Variants in KCNIP1 observed in about 807,000 individuals in gnomAD.
The protein encoded by KCNIP1 is potassium voltage-gated channel interacting protein 1.
In KCNIP1, 18 loss-of-function variants were observed where a neutral mutation model predicts 33.0. The ratio of observed to expected loss-of-function variants is 0.55; its 90% CI spans 0.38 to 0.81. The LOEUF is 0.81. Ranked by LOEUF, KCNIP1 falls within the 30% of genes least tolerant of loss-of-function variation. KCNIP1 has a pLI of 0.00. For missense variants in KCNIP1, 238 were observed against 271.6 expected (o/e 0.88, Z 0.87); for synonymous variants, 93 against 98.3 (o/e 0.95, Z 0.32).
At chr5:170,625,116 C>T (rs1382982983) in intron 1 of KCNIP1, among the ~76,000 whole-genome samples, 1 of 152,120 alleles carries the variant, frequency 6.6e-6, no homozygotes, top group Admixed American at 6.5e-5. Flanking sequence ...TCCTCTGGTC[C>T]CAGCAGCAGC....
At chr5:170,597,771 G>GGA (rs2113572071) in intron 1 of KCNIP1, among the ~76,000 whole-genome samples, 1 of 119,190 alleles carries the variant, frequency 8.4e-6, no homozygotes, top group Non-Finnish European at 1.7e-5. Context: ...TTCTGATGCT[G>GGA]GAGAGAGAGA....
At chr5:170,682,479 A>G (rs1762382989) in intron 1 of KCNIP1, among the ~76,000 whole-genome samples, 1 of 152,210 alleles carries the variant, frequency 6.6e-6, no homozygotes, top group African/African-American at 2.4e-5. Flanking sequence ...TAGTGACTCT[A>G]TGACCCTAAG....
At chr5:170,363,171 A>C (rs920578903) in intron 1 of KCNIP1, among the ~76,000 whole-genome samples, 1 of 152,222 alleles carries the variant, frequency 6.6e-6, no homozygotes, top group African/African-American at 2.4e-5. Flanking sequence ...TGAGAGGCTG[A>C]ATAACTTGCC....
chr5:170,721,613 G>T (rs1763827229), intron 3 of KCNIP1: 1 of 813,420 alleles, frequency 1.2e-6, no homozygotes, highest in Non-Finnish European at 2.0e-6. Flanking sequence ...TCTCATGATG[G>T]CTAGAGGGAG....
At chr5:170,516,035 C>T (rs1244411029) in intron 1 of KCNIP1, among the ~76,000 whole-genome samples, 2 of 152,152 alleles carry the variant, frequency 1.3e-5, no homozygotes, top group East Asian at 1.9e-4. Flanking sequence ...GTTTTGTATG[C>T]TTGTGACTTG....
intron 1 of KCNIP1, among the ~76,000 whole-genome samples, chr5:170,510,186 C>T (rs546687234): frequency 8.5e-5 from 13 of 152,334 alleles, no homozygotes; most frequent in African/African-American, 3.1e-4. Flanking sequence ...CACATCTCTG[C>T]CTTCTCTCTT....
intron 1 of KCNIP1, among the ~76,000 whole-genome samples, chr5:170,600,938 C>T (rs2113585619): frequency 6.6e-6 from 1 of 152,334 alleles, no homozygotes; most frequent in Middle Eastern, 3.4e-3. Context: ...CAACACTGCA[C>T]TTCAGAATCG....
At chr5:170,661,284 T>G (rs1234716517) in intron 1 of KCNIP1, among the ~76,000 whole-genome samples, 1 of 152,156 alleles carries the variant, frequency 6.6e-6, no homozygotes, top group Non-Finnish European at 1.5e-5. Context: ...GTGGTGTGTG[T>G]GGGGACACGT....
At chr5:170,466,778 G>C (rs567456419) in intron 1 of KCNIP1, among the ~76,000 whole-genome samples, 2 of 152,248 alleles carry the variant, frequency 1.3e-5, no homozygotes, top group East Asian at 3.9e-4. Context: ...CATTCATGAA[G>C]ACTCCACCCT....
chr5:170,597,846 A>G (rs1554103537), intron 1 of KCNIP1, among the ~76,000 whole-genome samples: 3 of 139,744 alleles, frequency 2.1e-5, no homozygotes, highest in Non-Finnish European at 3.1e-5. Context: ...AAAGAAAGAA[A>G]AGAGAGAGAG....
intron 1 of KCNIP1, among the ~76,000 whole-genome samples, chr5:170,426,337 C>T (rs974227015): frequency 6.6e-6 from 1 of 152,138 alleles, no homozygotes; most frequent in African/African-American, 2.4e-5. Flanking sequence ...CTGCTCTGTT[C>T]CAGACAAACC....
Position 170,475,435 on chromosome 5 carries a change from G to A in KCNIP1, c.88+121471G>A, listed in dbSNP as rs186699250. On this transcript the variant is annotated intron_variant, in intron 1 of 7. Coordinates refer to the KCNIP1 transcript ENST00000377360. ...GTCTAGAAGAGGAGGGCGGTGCTGG[G>A]AGGAACCTCCCTGACTCCTGCTGCA... 8.5e-4 allele frequency among the ~76,000 whole-genome samples: 130 copies of A among 152,322 alleles called. 1 individual carries two copies. The East Asian group carries it at 0.021, about 25-fold the overall frequency.
chr5:170,595,960 T>C (rs1043837370), intron 1 of KCNIP1, among the ~76,000 whole-genome samples: 1 of 152,148 alleles, frequency 6.6e-6, no homozygotes, highest in African/African-American at 2.4e-5. Flanking sequence ...TCTCGGGTGG[T>C]GAGCTTCATC....
intron 1 of KCNIP1, among the ~76,000 whole-genome samples, chr5:170,645,538 C>G (rs925033835): frequency 6.6e-6 from 1 of 152,122 alleles, no homozygotes; most frequent in Non-Finnish European, 1.5e-5. Flanking sequence ...GGCCTTAACA[C>G]CCCTCTACCA....
intron 1 of KCNIP1, among the ~76,000 whole-genome samples, chr5:170,358,903 T>C (rs1221153321): frequency 6.6e-6 from 1 of 152,198 alleles, no homozygotes; most frequent in Non-Finnish European, 1.5e-5. Context: ...CTCCTAGGGC[T>C]GGAGAAGTCA....
chr5:170,624,739 G>GGGT (rs1464507183), intron 1 of KCNIP1, among the ~76,000 whole-genome samples: 1 of 104,360 alleles, frequency 9.6e-6, no homozygotes, highest in Non-Finnish European at 2.0e-5. Context: ...AGGTGGGGGG[G>GGGT]GAGAGGGGAG....
intron 1 of KCNIP1, among the ~76,000 whole-genome samples, chr5:170,659,163 T>C (rs1761382749): frequency 6.6e-6 from 1 of 152,176 alleles, no homozygotes; most frequent in African/African-American, 2.4e-5. Context: ...GATCACTTTT[T>C]TTTTTAATCC....
chr5:170,625,020 AT>A (rs1759768615), intron 1 of KCNIP1, among the ~76,000 whole-genome samples: 1 of 151,946 alleles, frequency 6.6e-6, no homozygotes, highest in Non-Finnish European at 1.5e-5. Flanking sequence ...CTTCCAGTCT[AT>A]TGCAGATGGA....
chr5:170,662,725 G>A (rs1404668453), intron 1 of KCNIP1, among the ~76,000 whole-genome samples: 1 of 152,178 alleles, frequency 6.6e-6, no homozygotes, highest in African/African-American at 2.4e-5. Flanking sequence ...AGAGAGTGGG[G>A]TCAGAAACAC....
Sources: gnomAD v4.1 joint callset for allele counts (sites outside exome capture counted in the v4.1 genomes callset) on GRCh38, gnomAD v4.1.1 for gene constraint, MANE v1.5 for transcripts, NCBI Gene and HGNC (gene_info 2026-07-23, HGNC 2026-07-21) for gene names.